ELP1: variants seen among roughly 807,000 people sequenced by gnomAD.
The protein encoded by ELP1 is elongator acetyltransferase complex subunit 1, also known as elongator complex protein 1.
A neutral mutation model predicts 183.2 loss-of-function variants in ELP1; 131 were observed. The ratio of observed to expected loss-of-function variants is 0.72; its 90% CI spans 0.62 to 0.83. The LOEUF (loss-of-function observed/expected upper bound fraction) is 0.83. ELP1 is among the 40% of genes least tolerant of loss of function. The pLI is 0.00. For synonymous variants in ELP1, 555 were observed against 569.0 expected, an observed-to-expected ratio of 0.98 and a Z score of 0.35; for missense variants, 1,550 against 1,594.9, an observed-to-expected ratio of 0.97 and a Z score of 0.48.
rs1046567719 is a variant in ELP1, at chr9:108,872,902, T to C, written c.3931+1993A>G. 3.6e-4 allele frequency among the ~76,000 whole-genome samples: 55 copies of C among 151,794 alleles called. 1 individual carries two copies. Among genetic ancestry groups the C allele is most frequent in the African/African-American group, 1.3e-3 (52 of 41,368 alleles). On this transcript the variant is annotated intron_variant, in intron 36 of 36. Transcript: ENST00000374647. ...AAATTAGGCATAACTACAACTATAT[T>C]TGATTCTAGACTTAACTTGAAATAA... is the stretch of plus-strand genomic sequence containing the variant.
chr9:108,920,565 A>G (rs1332548778), intron 6 of ELP1, among the ~76,000 whole-genome samples: 1 of 152,196 alleles, frequency 6.6e-6, no homozygotes, highest in Non-Finnish European at 1.5e-5. Flanking sequence ...TGCAGGCATC[A>G]GCCACTGTGC....
chr9:108,918,127 G>A (rs1486495898), intron 8 of ELP1, among the ~76,000 whole-genome samples: 1 of 152,022 alleles, frequency 6.6e-6, no homozygotes, highest in Non-Finnish European at 1.5e-5. Context: ...ATTCATATTT[G>A]TCTCTAGGGT....
intron 1 of ELP1, among the ~76,000 whole-genome samples, chr9:108,933,153 TG>T (rs1248736396): frequency 1.3e-5 from 2 of 152,226 alleles, no homozygotes; most frequent in Non-Finnish European, 2.9e-5. Context: ...AAATGCGACC[TG>T]GAAAGCAAAG....
intron 10 of ELP1, 42 bp from the exon 11 acceptor site, chr9:108,912,536 G>T: frequency 6.9e-7 from 1 of 1,444,362 alleles, no homozygotes; most frequent in Non-Finnish European, 9.7e-7. Flanking sequence ...AGGCTGGGAA[G>T]CAGACTTCAT....
chr9:108,933,991 G>A lies in ELP1; in HGVS notation c.-183C>T, dbSNP rs1437319593. On this transcript the variant is annotated 5_prime_UTR_variant, in exon 1 of 37. Transcript: ENST00000374647. ...GAATTGCGCACGCGTCTCTGTCCGC[G>A]GCTCCCGCTCTCTCTCCGACGGCAC... 1 of 156,644 alleles carries A rather than the reference G, an allele frequency of 6.4e-6. No homozygotes were observed. Among genetic ancestry groups the A allele is most frequent in the Non-Finnish European group, 1.4e-5 (1 of 70,664 alleles). The allele number at this position is 156,644 out of a possible 1,614,324, so 9.7% of individuals were successfully genotyped here.
At chr9:108,907,618 T>C (rs1035067324) in intron 13 of ELP1, among the ~76,000 whole-genome samples, 2 of 152,202 alleles carry the variant, frequency 1.3e-5, no homozygotes, top group African/African-American at 2.4e-5. Context: ...CATGGACTTA[T>C]CAAACAGAAT....
chr9:108,909,607 T>A (rs539061916), intron 12 of ELP1, among the ~76,000 whole-genome samples: 1 of 152,364 alleles, frequency 6.6e-6, no homozygotes, highest in East Asian at 1.9e-4. Context: ...TCAGGGTTTT[T>A]ACTTCATGGA....
intron 6 of ELP1, among the ~76,000 whole-genome samples, chr9:108,920,849 G>T (rs1829619663): frequency 6.6e-6 from 1 of 152,008 alleles, no homozygotes; most frequent in Non-Finnish European, 1.5e-5. Context: ...ATAACAGGAT[G>T]CTCGGTTTTT....
intron 6 of ELP1, among the ~76,000 whole-genome samples, chr9:108,920,280 ATTTTT>A (rs34765805): frequency 7.6e-6 from 1 of 132,352 alleles, no homozygotes; most frequent in Non-Finnish European, 1.6e-5. Context: ...CTCTCACCCA[ATTTTT>A]TTTTTTTTTT....
In ELP1 at chr9:108,880,173, T is replaced by C; in HGVS notation, c.3347-8A>G. 1 of 1,565,618 alleles carries C rather than the reference T, an allele frequency of 6.4e-7. No individual in the cohort carries two copies. Among genetic ancestry groups the C allele is most frequent in the Non-Finnish European group, 8.8e-7 (1 of 1,135,788 alleles). ...CCATATAATTTTTCTGGGCTGGAGA[T>C]GCAGAATGGAAAATAGTTTGAGCAT... On this transcript the variant is annotated splice_region_variant and splice_polypyrimidine_tract_variant and intron_variant, in intron 31 of 36. Coordinates refer to ENST00000374647, the MANE Select transcript of ELP1 (RefSeq NM_003640.5).
rs12342757 is a variant in ELP1 at position 108,880,422 on chromosome 9, T to C, written c.3347-257A>G. ...ATCACCTGAACGAAGACTTGATACCTAAAGCAAGGGAGGATTGGCAAAACA... is the reference window on the plus strand; with the variant it reads ...ATCACCTGAACGAAGACTTGATACCCAAAGCAAGGGAGGATTGGCAAAACA... On this transcript the variant is annotated intron_variant, in intron 31 of 36. Transcript: ENST00000374647. Among the ~76,000 whole-genome samples the C allele has an allele frequency of 0.043, 6,439 of 148,032 alleles. 491 individuals are homozygous for C. Among genetic ancestry groups the C allele is most frequent in the African/African-American group, 0.15 (6,063 of 40,392 alleles).
At chr9:108,887,067 G>C (rs147103287) in intron 29 of ELP1, among the ~76,000 whole-genome samples, 97 of 152,140 alleles carry the variant, frequency 6.4e-4, no homozygotes, top group Middle Eastern at 3.4e-3. Flanking sequence ...AAATTAGCCA[G>C]GCATGGTGGC....
Position 108,897,258 on chromosome 9 carries a change from G to A in ELP1, c.2391C>T (p.Tyr797=). The change falls in exon 23 of 37, where the codon TAC becomes TAT. Residue 797 remains tyrosine, a synonymous_variant. Coordinates refer to ENST00000374647, the MANE Select transcript of ELP1 (RefSeq NM_003640.5). ...AGACACTGCTGGTAACTGGTGCAGG[G>A]TACATGGTCTTCGTGACATCTTCTT... is the stretch of plus-strand genomic sequence containing the variant. ...LKEEDVTKTM[Y]PAPVTSSVYL... 1 of 1,614,110 alleles carries A rather than the reference G, an allele frequency of 6.2e-7. No homozygotes were observed.
chr9:108,914,028 A>AT (rs1829332736), intron 10 of ELP1, among the ~76,000 whole-genome samples: 1 of 151,928 alleles, frequency 6.6e-6, no homozygotes, highest in Non-Finnish European at 1.5e-5. Context: ...CCTGAATATC[A>AT]TTTTTTTTCT....
intron 29 of ELP1, among the ~76,000 whole-genome samples, chr9:108,884,025 C>A (rs1008135091): frequency 1.3e-5 from 2 of 150,710 alleles, no homozygotes; most frequent in South Asian, 4.2e-4. Context: ...ACCAATAATG[C>A]TATCAACAAG....
At chr9:108,869,305 A>G (rs1453914235) in intron 36 of ELP1, 123 bp from the exon 37 acceptor site, 1 of 833,702 alleles carries the variant, frequency 1.2e-6, no homozygotes, top group East Asian at 2.4e-5. Flanking sequence ...CATCAGAGCC[A>G]GAGTTCATGT....
At chr9:108,873,909 C>T (rs1456089245) in intron 36 of ELP1, among the ~76,000 whole-genome samples, 1 of 147,844 alleles carries the variant, frequency 6.8e-6, no homozygotes, top group Non-Finnish European at 1.5e-5. Flanking sequence ...GTGGATATGT[C>T]GAAACTGATA....
At chr9:108,900,804 ACGC>A (rs1487020952) in intron 18 of ELP1, among the ~76,000 whole-genome samples, 8 of 142,282 alleles carry the variant, frequency 5.6e-5, no homozygotes, top group African/African-American at 7.7e-5. Flanking sequence ...ACACACATAC[ACGC>A]CACACACACA....
Position 108,904,245 on chromosome 9 carries a change from A to ATTT in ELP1, c.1644-579_1644-577dup, listed in dbSNP as rs57450962. On this transcript the variant is annotated intron_variant, in intron 14 of 36. Coordinates refer to ENST00000374647, the MANE Select transcript of ELP1 (RefSeq NM_003640.5). ...CAATGGAGCGAAGTAAAATTTCACT[A>ATTT]TTTTTTTTTTTTTTTTTGGACAGTG... Among the ~76,000 whole-genome samples the ATTT allele has an allele frequency of 1.7e-3, 230 of 132,426 alleles. 8 individuals are homozygous for ATTT. The highest frequency in any genetic ancestry group is 2.4e-3 in the Non-Finnish European group (149 of 63,338). 86.9% of individuals were successfully genotyped at this position (132,426 alleles called of 152,430 possible).
Sources: gnomAD v4.1 joint callset for allele counts (sites outside exome capture counted in the v4.1 genomes callset) on GRCh38, gnomAD v4.1.1 for gene constraint, MANE v1.5 for transcripts, NCBI Gene and HGNC (gene_info 2026-07-23, HGNC 2026-07-21) for gene names.